Variants in HPS5 observed in about 807,000 individuals in gnomAD.
The protein encoded by HPS5 is BLOC-2 complex member HPS5.
A neutral mutation model predicts 128.0 loss-of-function variants in HPS5; 83 were observed. The observed-to-expected ratio is 0.65, with a 90% CI of 0.54 to 0.78. HPS5 has a LOEUF of 0.78. Among genes scored for constraint, HPS5 ranks in the 30% least tolerant of loss-of-function variants. HPS5 has a pLI of 0.00. For missense variants in HPS5, 1,281 were observed against 1,326.2 expected, an observed-to-expected ratio of 0.97 and a Z score of 0.53; for synonymous variants, 475 against 470.2, an observed-to-expected ratio of 1.01 and a Z score of -0.13.
In HPS5 at chr11:18,282,209, C is replaced by G. The variant is rs141876368; in HGVS notation, c.3070G>C (p.Glu1024Gln). ...AGAAGCTTCCATTCCTCCACGGTCT[C>G]TGGGATCCAACCTAAACACACACAG... ...LMEGDNGWIP[E>Q]TVEEWKLLLH... Residue 1024 changes from glutamate (E) to glutamine (Q), a missense_variant, in exon 22 of 23, where the codon GAG (glutamate) becomes CAG (glutamine). Glu to Gln is a conservative substitution (Grantham distance 29, BLOSUM62 2). Transcript: ENST00000349215. The G allele has an allele frequency of 3.1e-6, 5 of 1,614,126 alleles. No homozygotes were observed. The highest frequency in any genetic ancestry group is 4.2e-6 in the Non-Finnish European group (5 of 1,180,036).
Position 18,305,429 on chromosome 11 carries a change from G to C in HPS5, c.889C>G (p.His297Asp), listed in dbSNP as rs766592493. 4 of 1,599,068 alleles carry C rather than the reference G, an allele frequency of 2.5e-6. No homozygotes were observed. The highest frequency in any genetic ancestry group is 1.3e-5 in the African/African-American group (1 of 74,730). Residue 297 changes from histidine to aspartate, a missense_variant, in exon 8 of 23, where the codon CAT (histidine) becomes GAT (aspartate). Physicochemically the swap from His to Asp is moderately conservative, Grantham distance 81. Transcript: ENST00000349215. ...SQSLSFPKLL[H>D]LSEHCVLTWT... Reference sequence around the variant, plus strand: ...AGGAAAGTAGAAACTTACCTAAGATGTAAGAGTTTGGGGAAAGACAAAGAC... The same window carrying C: ...AGGAAAGTAGAAACTTACCTAAGATCTAAGAGTTTGGGGAAAGACAAAGAC...
In HPS5 at chr11:18,298,811, T is replaced by C. The variant is rs1232143512; in HGVS notation, c.1145A>G (p.Asn382Ser). 1 of 1,614,150 alleles carries C rather than the reference T, an allele frequency of 6.2e-7. No homozygotes were observed. ...ACTCACTCTGCTGGCAATGACAGAA[T>C]TTTGGAAAAGACAGCATGTACGAGC... ...LAARTCCLFQ[N>S]SVIASRARKT... The change falls in exon 10 of 23, where the codon AAT becomes AGT. Residue 382 changes from asparagine (N) to serine (S), a missense_variant. By Grantham distance (46) the Asn-to-Ser change is conservative (BLOSUM62 1). Coordinates refer to ENST00000349215, the MANE Select transcript of HPS5 (RefSeq NM_181507.2).
At position 18,279,406 on chromosome 11, in the gene HPS5, C is replaced by A. The variant is rs1437337976; in HGVS notation, c.*476G>T. ...TTTGGGTGTTAATTCCATTATACAC[C>A]GTCTTATTTCAGTAATTTCCATATT... On this transcript the variant is annotated 3_prime_UTR_variant, in exon 23 of 23. Coordinates refer to ENST00000349215, the MANE Select transcript of HPS5 (RefSeq NM_181507.2). 2 of 167,184 alleles carry A rather than the reference C, an allele frequency of 1.2e-5. No homozygotes were observed. Among genetic ancestry groups the A allele is most frequent in the Non-Finnish European group, 2.6e-5 (2 of 76,500 alleles). The allele number at this position is 167,184 out of a possible 1,614,324, so 10.4% of individuals were successfully genotyped here.
intron 2 of HPS5, among the ~76,000 whole-genome samples, chr11:18,312,365 G>C (rs190505310): frequency 6.6e-6 from 1 of 152,294 alleles, no homozygotes; most frequent in African/African-American, 2.4e-5. Context: ...GGAAGACCAA[G>C]GAAGTTACCA....
At chr11:18,316,539 G>A (rs1002917987) in intron 2 of HPS5, among the ~76,000 whole-genome samples, 6 of 152,146 alleles carry the variant, frequency 3.9e-5, no homozygotes, top group Non-Finnish European at 8.8e-5. Flanking sequence ...GGTTTCCAGG[G>A]ATGGTAAATT....
At chr11:18,319,667 G>A (rs1225167745) in intron 1 of HPS5, among the ~76,000 whole-genome samples, 1 of 152,180 alleles carries the variant, frequency 6.6e-6, no homozygotes, top group Non-Finnish European at 1.5e-5. Context: ...GAAGAATTGT[G>A]TGTTGGGAGG....
chr11:18,294,433 C>G (rs1860809842), intron 14 of HPS5, among the ~76,000 whole-genome samples: 1 of 151,990 alleles, frequency 6.6e-6, no homozygotes. Context: ...GTGACATTCC[C>G]AAAGTCACAT....
At chr11:18,306,107 A>T in intron 7 of HPS5, 28 bp downstream of exon 7, 5 of 1,472,030 alleles carry the variant, frequency 3.4e-6, no homozygotes, top group Non-Finnish European at 4.8e-6. Context: ...CTCTTCAAAC[A>T]ATCCCAACCA....
intron 14 of HPS5, among the ~76,000 whole-genome samples, chr11:18,293,713 G>C (rs1860723068): frequency 6.6e-6 from 1 of 152,186 alleles, no homozygotes; most frequent in Admixed American, 6.5e-5. Context: ...AGTAGGGAAA[G>C]GGACATATTC....
chr11:18,298,813 T>C lies in HPS5; in HGVS notation c.1143A>G (p.Gln381=), dbSNP rs1470293623. ...NLAARTCCLF[Q]NSVIASRARK... is the part of the protein sequence containing the mutation. ...TCACTCTGCTGGCAATGACAGAATT[T>C]TGGAAAAGACAGCATGTACGAGCAG... The change falls in exon 10 of 23, where the codon CAA becomes CAG. Residue 381 remains glutamine (Q), a synonymous_variant. Transcript: ENST00000349215. 1.2e-6 allele frequency: 2 copies of C among 1,614,154 alleles called. No individual in the cohort carries two copies. The highest frequency in any genetic ancestry group is 1.1e-5 in the South Asian group (1 of 91,086).
intron 8 of HPS5, among the ~76,000 whole-genome samples, chr11:18,301,481 A>G (rs1047556129): frequency 3.3e-5 from 5 of 151,384 alleles, no homozygotes; most frequent in African/African-American, 9.7e-5. Context: ...AAAAAAAGAA[A>G]GAAAGAAAAG....
At chr11:18,288,765 C>T (rs1371523959) in intron 16 of HPS5, among the ~76,000 whole-genome samples, 5 of 133,416 alleles carry the variant, frequency 3.7e-5, no homozygotes, top group East Asian at 2.5e-4. Flanking sequence ...TGTGCAGCGA[C>T]GGGGTCTTCC....
Position 18,279,519 on chromosome 11 carries a change from A to T in HPS5, c.*363T>A. On this transcript the variant is annotated 3_prime_UTR_variant, in exon 23 of 23. Transcript: ENST00000349215. The stretch of plus-strand genomic sequence containing the variant: ...CCAGGATGAAAAGCTTCTGCTCCCA[A>T]CATGGAAGCCACAGTAAGAAAAGAA... The T allele has an allele frequency of 3.9e-6, 1 of 258,978 alleles. No individual in the cohort carries two copies. Among genetic ancestry groups the T allele is most frequent in the Non-Finnish European group, 7.5e-6 (1 of 132,748 alleles). 16.0% of individuals were successfully genotyped at this position (258,978 alleles called of 1,614,324 possible). A position where few individuals can be genotyped will look rare whatever the true frequency, so the allele number is the denominator to read the frequency against.
rs567856836 is a variant in HPS5, at chr11:18,290,767, T to C, written c.2440+675A>G. Among the ~76,000 whole-genome samples, 9 of 151,824 alleles carry C rather than the reference T, an allele frequency of 5.9e-5. No individual in the cohort carries two copies. In the South Asian group the frequency reaches 1.0e-3, roughly 18 times the overall value. ...GTAAGACCCCATCTCTATAAAAAAATGAAGAAATCAGAGGGTACAGTGGCA... is the reference window on the plus strand; with the variant it reads ...GTAAGACCCCATCTCTATAAAAAAACGAAGAAATCAGAGGGTACAGTGGCA... On this transcript the variant is annotated intron_variant, in intron 16 of 22. Transcript: ENST00000349215.
Position 18,286,580 on chromosome 11 carries a change from T to G in HPS5, c.2837+11A>C, listed in dbSNP as rs753239179. ...AAAGAAAAAAACAAAGAAAGAGGAC[T>G]TCTTCTGTACCTGGGATAACCTTCA... On this transcript the variant is annotated intron_variant, in intron 19 of 22. Transcript: ENST00000349215. 1 of 1,613,198 alleles carries G rather than the reference T, an allele frequency of 6.2e-7. No individual in the cohort carries two copies. The highest frequency in any genetic ancestry group is 2.2e-5 in the East Asian group (1 of 44,872).
chr11:18,300,639 G>A lies in HPS5; in HGVS notation c.985+189C>T, dbSNP rs1426110914. On this transcript the variant is annotated intron_variant, in intron 9 of 22. Transcript: ENST00000349215. Reference sequence around the variant, plus strand: ...TTGAACCCAGGAGGTGGAGGTTTCCGTGAGCCAAGATCGCACCAGTGCACT... The same window carrying A: ...TTGAACCCAGGAGGTGGAGGTTTCCATGAGCCAAGATCGCACCAGTGCACT... Among the ~76,000 whole-genome samples the A allele has an allele frequency of 4.1e-5, 6 of 145,866 alleles. No homozygotes were observed. The East Asian group carries it at 6.2e-4, about 15-fold the overall frequency.
intron 10 of HPS5, among the ~76,000 whole-genome samples, chr11:18,298,050 A>C (rs967117178): frequency 1.3e-5 from 2 of 151,482 alleles, no homozygotes; most frequent in Admixed American, 1.3e-4. Flanking sequence ...ATTGCACTCC[A>C]CTCCAGCCTG....
At chr11:18,304,622 A>T (rs1862138790) in intron 8 of HPS5, among the ~76,000 whole-genome samples, 1 of 152,240 alleles carries the variant, frequency 6.6e-6, no homozygotes, top group African/African-American at 2.4e-5. Context: ...ATTTTTAAAA[A>T]TCACAAAGAG....
chr11:18,294,948 T>C, intron 14 of HPS5, 72 bp downstream of exon 14: 1 of 1,533,824 alleles, frequency 6.5e-7, no homozygotes, highest in South Asian at 1.1e-5. Flanking sequence ...TGCACAAGGT[T>C]GGTCTATGGC....
Sources: gnomAD v4.1 joint callset for allele counts (sites outside exome capture counted in the v4.1 genomes callset) on GRCh38, gnomAD v4.1.1 for gene constraint, MANE v1.5 for transcripts, NCBI Gene and HGNC (gene_info 2026-07-23, HGNC 2026-07-21) for gene names.